TBCD: variants seen among roughly 807,000 people sequenced by gnomAD.
TBCD encodes tubulin-specific chaperone D.
A neutral mutation model predicts 169.3 loss-of-function variants in TBCD; 105 were observed. The observed-to-expected ratio is 0.62, with a 90% CI of 0.53 to 0.73. TBCD has a LOEUF of 0.73. Ranked by LOEUF, TBCD falls within the 30% of genes least tolerant of loss-of-function variation. The probability of loss-of-function intolerance (pLI) is 0.00; values close to 1 mark genes in which losing one functional copy is unlikely to be tolerated. For synonymous variants in TBCD, 700 were observed against 643.9 expected (o/e 1.09, Z -1.32); for missense variants, 1,444 against 1,600.1 (o/e 0.90, Z 1.66).
intron 13 of TBCD, among the ~76,000 whole-genome samples, chr17:82,851,577 C>T (rs115998055): frequency 3.5e-4 from 53 of 152,254 alleles, no homozygotes; most frequent in African/African-American, 1.2e-3. Context: ...GCCTCAGACA[C>T]GTGTACAGAA....
At position 82,831,135 on chromosome 17, in the gene TBCD, G is replaced by A. The variant is rs766092113; in HGVS notation, c.1318+16201G>A. The A allele has an allele frequency of 3.1e-6, 5 of 1,614,144 alleles. No homozygotes were observed. The highest frequency in any genetic ancestry group is 3.3e-5 in the Admixed American group (2 of 60,028). On this transcript the variant is annotated intron_variant, in intron 13 of 38. Transcript: ENST00000355528. This position sits in a 1 kb window ranked among gnomAD's most constrained non-coding sequence, Gnocchi z 4.6. ...CTGGCGGGTAGAGTCTTCCCAGTGC[G>A]CTGGAGGCTGCCTTGTTGGAGAGGT...
chr17:82,781,627 C>G lies in TBCD; in HGVS notation c.677C>G (p.Ala226Gly). The G allele has an allele frequency of 6.2e-7, 1 of 1,613,842 alleles. No individual in the cohort carries two copies. Among genetic ancestry groups the G allele is most frequent in the South Asian group, 1.1e-5 (1 of 91,074 alleles). Residue 226 changes from alanine to glycine, a missense_variant, in exon 7 of 39, where the codon GCT becomes GGT. By Grantham distance (60) the Ala-to-Gly change is moderately conservative. Coordinates refer to ENST00000355528, the MANE Select transcript of TBCD (RefSeq NM_005993.5). ...CCTGATGTCAAGCAAAGCAAGATGG[C>G]TGAGTTCCTGGACTGGAGCCTGTGC... ...TRPDVKQSKMAEFLDWSLCNL... is the reference protein window; with the variant it reads ...TRPDVKQSKMGEFLDWSLCNL...
At chr17:82,848,720 A>T (rs192779894) in intron 13 of TBCD, among the ~76,000 whole-genome samples, 1 of 152,318 alleles carries the variant, frequency 6.6e-6, no homozygotes, top group East Asian at 1.9e-4. Flanking sequence ...AACGATGAAA[A>T]TAGATGCGAA....
rs773229555 is a variant in TBCD at position 82,835,716 on chromosome 17, T to A, written c.1318+20782T>A. ...CTGGGATTACAGGCATGAGCCACCG[T>A]GCCTGGCTCATTTATTTATAATTCT... On this transcript the variant is annotated intron_variant, in intron 13 of 38. Transcript: ENST00000355528. This position sits in a 1 kb window ranked among gnomAD's most constrained non-coding sequence, Gnocchi z 4.5. Among the ~76,000 whole-genome samples, 20 of 152,214 alleles carry A rather than the reference T, an allele frequency of 1.3e-4. No individual in the cohort carries two copies. The highest frequency in any genetic ancestry group is 2.4e-4 in the Non-Finnish European group (16 of 68,044).
At chr17:82,887,160 TGTGTGTGTGCGCGCGCGCGCAC>T (rs1434210643) in intron 15 of TBCD, among the ~76,000 whole-genome samples, 103 of 109,062 alleles carry the variant, frequency 9.4e-4, no homozygotes, top group African/African-American at 4.2e-3. Context: ...TGTGTGTGTG[TGTGTGTGTGCGCGCGCGCGCAC>T]GTGCGCTCAC....
chr17:82,848,584 G>T (rs779451909), intron 13 of TBCD, among the ~76,000 whole-genome samples: 19 of 152,182 alleles, frequency 1.2e-4, no homozygotes, highest in African/African-American at 3.9e-4. Context: ...TTCAGAGGGT[G>T]CCTCTACATG....
rs1032975410 is a variant in TBCD at position 82,909,461 on chromosome 17, T to A, written c.2006+154T>A. 3.3e-5 allele frequency among the ~76,000 whole-genome samples: 5 copies of A among 150,510 alleles called. No individual in the cohort carries two copies. The East Asian group carries it at 9.9e-4, about 30-fold the overall frequency. Reference sequence around the variant, plus strand: ...CACCCGGCCCGCTGTGGGAGGCGCATGAGGGTCTGACCTGGTTGTGTGATT... The same window carrying A: ...CACCCGGCCCGCTGTGGGAGGCGCAAGAGGGTCTGACCTGGTTGTGTGATT... On this transcript the variant is annotated intron_variant, in intron 22 of 38. Transcript: ENST00000355528.
chr17:82,867,539 C>T (rs1364832538), intron 13 of TBCD, among the ~76,000 whole-genome samples: 4 of 152,218 alleles, frequency 2.6e-5, no homozygotes, highest in Admixed American at 6.5e-5. Context: ...AACAGGCTGC[C>T]CTGTTAGCAC....
chr17:82,919,614 G>A (rs1313091044), intron 23 of TBCD, among the ~76,000 whole-genome samples: 1 of 152,092 alleles, frequency 6.6e-6, no homozygotes, highest in Admixed American at 6.6e-5. Context: ...CCTCACCTCG[G>A]AGGCATGGAA....
rs187081192 is a variant in TBCD at position 82,929,274 on chromosome 17, A to G, written c.2852+3A>G. 5,683 of 1,613,252 alleles carry G rather than the reference A, an allele frequency of 3.5e-3. 9 individuals carry two copies. The highest frequency in any genetic ancestry group is 4.2e-3 in the Non-Finnish European group (4,915 of 1,179,484). On this transcript the variant is annotated splice_donor_region_variant and intron_variant, in intron 31 of 38. Transcript: ENST00000355528. ...GAACTGGAAAAGCTGTTTCCCAGGT[A>G]CTGTCGGGGTGTAGGCCCCCCGTGC...
At chr17:82,883,903 G>A (rs926120256) in intron 14 of TBCD, among the ~76,000 whole-genome samples, 1 of 152,138 alleles carries the variant, frequency 6.6e-6, no homozygotes, top group Non-Finnish European at 1.5e-5. Context: ...GGTGTGCACC[G>A]TCTCGTGGCT....
intron 37 of TBCD, among the ~76,000 whole-genome samples, chr17:82,941,151 C>T (rs1042306277): frequency 6.6e-6 from 1 of 152,262 alleles, no homozygotes; most frequent in Non-Finnish European, 1.5e-5. Flanking sequence ...TGGGCGTGGT[C>T]CTTCCCGAGG....
intron 13 of TBCD, among the ~76,000 whole-genome samples, chr17:82,841,662 A>G (rs376146169): frequency 6.6e-6 from 1 of 152,218 alleles, no homozygotes; most frequent in Admixed American, 6.5e-5. Context: ...CTGGATAGCA[A>G]ACTATCCCAA....
chr17:82,901,522 T>C (rs1417984580), intron 18 of TBCD, among the ~76,000 whole-genome samples: 1 of 149,198 alleles, frequency 6.7e-6, no homozygotes, highest in Admixed American at 6.6e-5. Flanking sequence ...GGCTGCCTAC[T>C]GTGGTCCTGC....
At chr17:82,767,191 C>G (rs2048056739) in intron 4 of TBCD, among the ~76,000 whole-genome samples, 1 of 152,104 alleles carries the variant, frequency 6.6e-6, no homozygotes. Context: ...TGCTCGCTGT[C>G]TTCTGCGTGG....
rs930387198 is a variant in TBCD, at chr17:82,922,523, A to C, written c.2178+946A>C. On this transcript the variant is annotated intron_variant, in intron 25 of 38. Coordinates refer to ENST00000355528, the MANE Select transcript of TBCD (RefSeq NM_005993.5). The surrounding 1 kb of genome is among the most constrained non-coding windows in gnomAD (Gnocchi z 4.1). The stretch of plus-strand genomic sequence containing the variant: ...TTTCCTTAGCATCTTCAATTTTCTT[A>C]TTTTTTTTTTCTTAAGGAACTTGAA... Among the ~76,000 whole-genome samples, 2 of 149,886 alleles carry C rather than the reference A, an allele frequency of 1.3e-5. No individual in the cohort carries two copies. Among genetic ancestry groups the C allele is most frequent in the African/African-American group, 4.9e-5 (2 of 40,788 alleles).
At chr17:82,892,017 A>G (rs141007243) in intron 16 of TBCD, among the ~76,000 whole-genome samples, 1,887 of 152,006 alleles carry the variant, frequency 0.012, 52 homozygotes, top group African/African-American at 0.044. Context: ...GCCTGTCCAC[A>G]CCCAGGCCCC....
intron 19 of TBCD, 40 bp from the exon 20 acceptor site, chr17:82,905,896 T>C (rs1391648007): frequency 1.3e-6 from 2 of 1,537,796 alleles, no homozygotes; most frequent in East Asian, 2.3e-5. Context: ...CGTCCACATG[T>C]ACACACCCTC....
At chr17:82,932,757 C>T (rs1209363327) in intron 34 of TBCD, 22 bp downstream of exon 34, 3 of 1,612,368 alleles carry the variant, frequency 1.9e-6, no homozygotes, top group Non-Finnish European at 8.5e-7. Flanking sequence ...CTTTTCATGA[C>T]TTCCTTTCCG....
Sources: gnomAD v4.1 joint callset for allele counts (sites outside exome capture counted in the v4.1 genomes callset) on GRCh38, gnomAD v4.1.1 for gene constraint, Gnocchi (gnomAD v3.1) non-coding constraint, MANE v1.5 for transcripts, NCBI Gene and HGNC (gene_info 2026-07-23, HGNC 2026-07-21) for gene names.